KCTD2: variants seen among roughly 807,000 people sequenced by gnomAD.
KCTD2 encodes potassium channel tetramerization domain containing 2.
KCTD2 carries 18 observed loss-of-function variants against 27.9 expected under a neutral mutation model. The observed-to-expected ratio is 0.64, with a 90% confidence interval of 0.45 to 0.96. KCTD2 has a LOEUF of 0.96. Ranked by LOEUF, KCTD2 falls within the 40% of genes least tolerant of loss-of-function variation. The probability of loss-of-function intolerance (pLI) is 0.00; values close to 1 mark genes in which losing one functional copy is unlikely to be tolerated. For missense variants in KCTD2, 280 were observed against 348.0 expected (o/e 0.80, Z 1.56); for synonymous variants, 175 against 148.4 (o/e 1.18, Z -1.30).
chr17:75,063,031 G>A lies in KCTD2; in HGVS notation c.776G>A (p.Arg259Lys), dbSNP rs762547652. The A allele has an allele frequency of 5.0e-6, 8 of 1,614,032 alleles. No homozygotes were observed. Among genetic ancestry groups the A allele is most frequent in the Admixed American group, 1.7e-5 (1 of 59,994 alleles). The change falls in exon 6 of 6, where the codon AGA (arginine) becomes AAA (lysine). Residue 259 changes from arginine to lysine, a missense_variant. Coordinates refer to ENST00000322444, the MANE Select transcript of KCTD2 (RefSeq NM_015353.3). ...PSEKAKILQE[R>K]GSRM ...TCCAACTTTCAGATTCTTCAGGAGA[G>A]AGGATCGCGGATGTAAACTAAGACC...
At chr17:75,050,976 CTT>C (rs1448198731) in intron 2 of KCTD2, among the ~76,000 whole-genome samples, 9 of 137,268 alleles carry the variant, frequency 6.6e-5, no homozygotes, top group East Asian at 2.1e-4. Flanking sequence ...TCATGCCCAG[CTT>C]TTTTTTTTTT....
intron 5 of KCTD2, among the ~76,000 whole-genome samples, chr17:75,062,740 A>ACACACACACACACACACACC (rs2073417421): frequency 6.8e-6 from 1 of 147,518 alleles, no homozygotes; most frequent in Non-Finnish European, 1.5e-5. Flanking sequence ...ACACACACAC[A>ACACACACACACACACACACC]CACAGCTTCT....
intron 3 of KCTD2, chr17:75,039,077 G>C (rs879559676): frequency 1.2e-6 from 2 of 1,613,798 alleles, no homozygotes; most frequent in Non-Finnish European, 1.7e-6. Flanking sequence ...GAAAGAGGGG[G>C]AATGTGTTTA....
chr17:75,042,414 G>T, upstream of KCTD2: 1 of 1,512,834 alleles, frequency 6.6e-7, no homozygotes, highest in East Asian at 2.3e-5. Context: ...GAAAATGCAA[G>T]GATTTCTTTA....
chr17:75,065,868 T>A lies in KCTD2; in HGVS notation c.*2821T>A, dbSNP rs772528651. ...GACTTTTTTTGTGTGAATAAAGATA[T>A]GAAACTTCTGAATCTCAAGAACTGT... On this transcript the variant is annotated 3_prime_UTR_variant, in exon 6 of 6. Coordinates refer to ENST00000322444, the MANE Select transcript of KCTD2 (RefSeq NM_015353.3). 6.6e-6 allele frequency: 1 copy of A among 152,210 alleles called. No individual in the cohort carries two copies. Among genetic ancestry groups the A allele is most frequent in the Admixed American group, 6.5e-5 (1 of 15,270 alleles). The allele number at this position is 152,210 out of a possible 1,614,324, so 9.4% of individuals were successfully genotyped here.
intron 2 of KCTD2, among the ~76,000 whole-genome samples, chr17:75,035,056 C>T (rs1396562443): frequency 1.3e-5 from 2 of 152,204 alleles, no homozygotes; most frequent in South Asian, 2.1e-4. Flanking sequence ...AGCTGCGGCA[C>T]GCCGGAGCGT....
chr17:75,052,949 C>T, intron 2 of KCTD2, 65 bp from the exon 3 acceptor site: 1 of 1,139,314 alleles, frequency 8.8e-7, no homozygotes, highest in Non-Finnish European at 1.3e-6. Context: ...AACCTTCATC[C>T]TCTCCTTGGT....
At chr17:75,042,204 A>C in intron 3 of KCTD2, 1 of 1,614,078 alleles carries the variant, frequency 6.2e-7, no homozygotes, top group Non-Finnish European at 8.5e-7. Context: ...TCATCCACCA[A>C]GCCAGCCTTG....
rs1475661044 is a variant in KCTD2, at chr17:75,038,895, G to A, written c.-259+3538G>A. On this transcript the variant is annotated intron_variant, in intron 3 of 7. Transcript: ENST00000581589. ...TTATTATTTTTAATGTCCAGAATGT[G>A]TAATACAAGGGCCAGAGCTTCCTCC... 7 of 1,593,272 alleles carry A rather than the reference G, an allele frequency of 4.4e-6. No individual in the cohort carries two copies. In the African/African-American group the frequency reaches 8.2e-5, roughly 19 times the overall value.
chr17:75,060,467 A>G lies in KCTD2; in HGVS notation c.636+862A>G, dbSNP rs1245210645. On this transcript the variant is annotated intron_variant, in intron 4 of 5. Transcript: ENST00000322444. Reference sequence around the variant, plus strand: ...TCTAACATAAGCCTTCCAAGGTGATACTTTCAGAAACCAGGGTTGGAACTA... The same window carrying G: ...TCTAACATAAGCCTTCCAAGGTGATGCTTTCAGAAACCAGGGTTGGAACTA... 4 of 1,611,210 alleles carry G rather than the reference A, an allele frequency of 2.5e-6. No homozygotes were observed. The African/African-American group carries it at 4.0e-5, about 16-fold the overall frequency.
At chr17:75,055,856 A>T (rs1158587887) in intron 3 of KCTD2, among the ~76,000 whole-genome samples, 1 of 151,318 alleles carries the variant, frequency 6.6e-6, no homozygotes, top group African/African-American at 2.4e-5. Context: ...GAAAGAAAGA[A>T]ACCCTGTCTA....
intron 3 of KCTD2, among the ~76,000 whole-genome samples, chr17:75,056,952 C>CTTTTTTTTTTTT (rs35875644): frequency 4.6e-5 from 5 of 107,994 alleles, no homozygotes; most frequent in African/African-American, 1.1e-4. Flanking sequence ...TTTCTTTTTT[C>CTTTTTTTTTTTT]TTTTTTTTTT....
intron 3 of KCTD2, chr17:75,039,654 A>C: frequency 7.1e-6 from 2 of 279,818 alleles, no homozygotes; most frequent in Non-Finnish European, 1.3e-5. Flanking sequence ...TCAAGCAAAT[A>C]ATTAGGTATT....
chr17:75,033,950 G>A (rs1002260454), intron 1 of KCTD2: 1 of 152,284 alleles, frequency 6.6e-6, no homozygotes, highest in Non-Finnish European at 1.5e-5. Context: ...CTAAGCCAGG[G>A]ATTGTGGGTT....
chr17:75,050,252 A>G (rs1320197261), intron 2 of KCTD2, among the ~76,000 whole-genome samples: 1 of 152,046 alleles, frequency 6.6e-6, no homozygotes, highest in Non-Finnish European at 1.5e-5. Flanking sequence ...AGTACCTAGT[A>G]GGTGTATATA....
At chr17:75,047,205 C>G (rs1369365889), upstream of KCTD2, 35 of 529,820 alleles carry the variant, frequency 6.6e-5, no homozygotes, top group Non-Finnish European at 8.5e-5. Context: ...AGAAATGGGC[C>G]GGCCCGGCTG....
chr17:75,047,466 C>G lies in KCTD2; in HGVS notation c.216C>G (p.Arg72=), dbSNP rs757366994. The G allele has an allele frequency of 6.4e-7, 1 of 1,559,810 alleles. No individual in the cohort carries two copies. The highest frequency in any genetic ancestry group is 2.6e-5 in the East Asian group (1 of 38,558). Residue 72 remains arginine (R), a synonymous_variant, in exon 1 of 6, where the codon CGC becomes CGG. Coordinates refer to ENST00000322444, the MANE Select transcript of KCTD2 (RefSeq NM_015353.3). ...PERAGGGGAA[R]WVRLNVGGTY... ...GGGCAGGGGGCGGCGGCGCGGCCCG[C>G]TGGGTCAGGCTGAACGTGGGAGGCA...
chr17:75,055,890 G>A (rs192946789), intron 3 of KCTD2, among the ~76,000 whole-genome samples: 3 of 151,950 alleles, frequency 2.0e-5, no homozygotes, highest in Admixed American at 6.6e-5. Flanking sequence ...AATTGTCTGA[G>A]TGTGGTAGCG....
chr17:75,059,982 T>C (rs577327377), intron 4 of KCTD2, among the ~76,000 whole-genome samples: 3 of 152,308 alleles, frequency 2.0e-5, no homozygotes, highest in Non-Finnish European at 4.4e-5. Flanking sequence ...CAGAACTTTT[T>C]GGTTCTGAAT....
Sources: gnomAD v4.1 joint callset for allele counts (sites outside exome capture counted in the v4.1 genomes callset) on GRCh38, gnomAD v4.1.1 for gene constraint, MANE v1.5 for transcripts, NCBI Gene and HGNC (gene_info 2026-07-23, HGNC 2026-07-21) for gene names.